Variants in SLC9A9 observed in about 807,000 individuals in gnomAD.
SLC9A9 encodes solute carrier family 9 member A9.
Under a neutral mutation model 77.8 loss-of-function variants are expected in SLC9A9, and 62 were observed. That is an observed-to-expected ratio of 0.80 (90% CI 0.65 to 0.98). The LOEUF is 0.98. SLC9A9 is among the 50% of genes least tolerant of loss of function. The pLI is 0.00. For synonymous variants in SLC9A9, 320 were observed against 283.5 expected, an observed-to-expected ratio of 1.13 and a Z score of -1.29; for missense variants, 775 against 774.9, an observed-to-expected ratio of 1.00 and a Z score of 0.00.
chr3:143,310,826 T>C (rs953757193), intron 14 of SLC9A9, among the ~76,000 whole-genome samples: 5 of 152,228 alleles, frequency 3.3e-5, no homozygotes, highest in African/African-American at 4.8e-5. Context: ...CAGGTGGTCA[T>C]AATTTTTGTG....
At chr3:143,839,406 GA>G (rs1678477512) in intron 1 of SLC9A9, among the ~76,000 whole-genome samples, 1 of 152,082 alleles carries the variant, frequency 6.6e-6, no homozygotes, top group South Asian at 2.1e-4. Context: ...AGAGTCATAT[GA>G]AAACTGCCAG....
intron 4 of SLC9A9, among the ~76,000 whole-genome samples, chr3:143,734,690 C>T (rs528106228): frequency 5.1e-4 from 76 of 149,476 alleles, no homozygotes; most frequent in African/African-American, 1.9e-3. Flanking sequence ...GCCAAGATCC[C>T]GCCACTGCAC....
intron 13 of SLC9A9, among the ~76,000 whole-genome samples, chr3:143,376,646 C>T (rs562304466): frequency 7.9e-5 from 12 of 152,140 alleles, no homozygotes; most frequent in East Asian, 3.9e-4. Flanking sequence ...CAGGAACTAC[C>T]GGTAAGATAA....
At chr3:143,769,959 T>C (rs138428583) in intron 4 of SLC9A9, among the ~76,000 whole-genome samples, 6 of 152,320 alleles carry the variant, frequency 3.9e-5, no homozygotes, top group African/African-American at 1.4e-4. Context: ...GCAATAAGTA[T>C]GAGTGCTTAT....
intron 14 of SLC9A9, among the ~76,000 whole-genome samples, chr3:143,347,847 C>T (rs904130425): frequency 1.3e-5 from 2 of 152,064 alleles, no homozygotes; most frequent in Non-Finnish European, 2.9e-5. Flanking sequence ...CAAGATGATA[C>T]GGGGGATGCC....
chr3:143,637,221 A>G (rs1276119737), intron 6 of SLC9A9, among the ~76,000 whole-genome samples: 1 of 152,210 alleles, frequency 6.6e-6, no homozygotes, highest in East Asian at 1.9e-4. Context: ...TTGAAAACCA[A>G]TACAAAGAAA....
intron 14 of SLC9A9, among the ~76,000 whole-genome samples, chr3:143,357,923 A>G (rs1458283266): frequency 6.6e-6 from 1 of 152,160 alleles, no homozygotes; most frequent in Non-Finnish European, 1.5e-5. Context: ...TTAAAATGGA[A>G]ATTGCTGTTC....
chr3:143,574,911 G>T (rs1316881516), intron 7 of SLC9A9, among the ~76,000 whole-genome samples: 1 of 152,166 alleles, frequency 6.6e-6, no homozygotes, highest in Admixed American at 6.5e-5. Flanking sequence ...ATGGGAAAGG[G>T]TTAGGTTGCA....
intron 5 of SLC9A9, among the ~76,000 whole-genome samples, chr3:143,685,132 G>T (rs1283624195): frequency 6.6e-6 from 1 of 151,534 alleles, no homozygotes; most frequent in Non-Finnish European, 1.5e-5. Context: ...TTCTTAAAAA[G>T]GTAAAAAGAA....
chr3:143,539,315 T>C (rs1432998501), intron 9 of SLC9A9, among the ~76,000 whole-genome samples: 2 of 152,194 alleles, frequency 1.3e-5, no homozygotes, highest in Non-Finnish European at 2.9e-5. Context: ...ATAGGATTCT[T>C]TGGATTTTTG....
At chr3:143,440,109 T>C (rs560433987) in intron 12 of SLC9A9, among the ~76,000 whole-genome samples, 156 of 152,032 alleles carry the variant, frequency 1.0e-3, no homozygotes, top group African/African-American at 3.6e-3. Flanking sequence ...TAAGAAAGAG[T>C]GAATGGTGCA....
chr3:143,708,229 T>C (rs1934045398), intron 4 of SLC9A9, among the ~76,000 whole-genome samples: 2 of 152,120 alleles, frequency 1.3e-5, no homozygotes, highest in African/African-American at 4.8e-5. Flanking sequence ...TCTGGGAGCA[T>C]ACCAGCCCAT....
Position 143,794,982 on chromosome 3 carries a change from A to T in SLC9A9, c.533+19T>A, listed in dbSNP as rs2008335439. 3 of 1,611,636 alleles carry T rather than the reference A, an allele frequency of 1.9e-6. No homozygotes were observed. Among genetic ancestry groups the T allele is most frequent in the Non-Finnish European group, 2.5e-6 (3 of 1,177,862 alleles). On this transcript the variant is annotated intron_variant, in intron 4 of 15. Coordinates refer to ENST00000316549, the MANE Select transcript of SLC9A9 (RefSeq NM_173653.4). Reference sequence around the variant, plus strand: ...AGACCCCACAGCCACCTGCAACTTGAGCTCCGAATGTCACTTACCCTATGA... The same window carrying T: ...AGACCCCACAGCCACCTGCAACTTGTGCTCCGAATGTCACTTACCCTATGA...
At position 143,610,148 on chromosome 3, in the gene SLC9A9, A is replaced by AT. The variant is rs201018773; in HGVS notation, c.756-31426dup. On this transcript the variant is annotated intron_variant, in intron 6 of 15. Coordinates refer to ENST00000316549, the MANE Select transcript of SLC9A9 (RefSeq NM_173653.4). ...GAACTTTCGGAGTTTTCCTTTATTT[A>AT]TTTTTTTTTTATTTATTTGAGAAAA... is the stretch of plus-strand genomic sequence containing the variant. Among the ~76,000 whole-genome samples, 174 of 149,178 alleles carry AT rather than the reference A, an allele frequency of 1.2e-3. 3 individuals carry two copies. The highest frequency in any genetic ancestry group is 0.012 in the East Asian group (59 of 5,126).
intron 7 of SLC9A9, among the ~76,000 whole-genome samples, chr3:143,578,233 C>G (rs1050032125): frequency 6.6e-6 from 1 of 152,190 alleles, no homozygotes; most frequent in Non-Finnish European, 1.5e-5. Context: ...ATTCTTGACC[C>G]TGGATCTTCA....
chr3:143,285,622 G>T (rs1291162007), intron 14 of SLC9A9, among the ~76,000 whole-genome samples: 1 of 152,168 alleles, frequency 6.6e-6, no homozygotes, highest in Non-Finnish European at 1.5e-5. Flanking sequence ...CCACTTCTCT[G>T]CATTCTCTGA....
At chr3:143,271,172 G>T (rs1160207610) in intron 14 of SLC9A9, among the ~76,000 whole-genome samples, 1 of 152,186 alleles carries the variant, frequency 6.6e-6, no homozygotes, top group Non-Finnish European at 1.5e-5. Context: ...GCATCCATGG[G>T]GGTCAGGGAA....
chr3:143,311,197 G>T (rs563110865), intron 14 of SLC9A9, among the ~76,000 whole-genome samples: 1 of 152,312 alleles, frequency 6.6e-6, no homozygotes, highest in African/African-American at 2.4e-5. Context: ...CCACGACCAG[G>T]ACTCCTCTTA....
chr3:143,594,486 C>A (rs566879317), intron 6 of SLC9A9, among the ~76,000 whole-genome samples: 1 of 152,088 alleles, frequency 6.6e-6, no homozygotes, highest in South Asian at 2.1e-4. Context: ...GAGTGTTAAC[C>A]AGGTGGCCAA....
Sources: gnomAD v4.1 joint callset for allele counts (sites outside exome capture counted in the v4.1 genomes callset) on GRCh38, gnomAD v4.1.1 for gene constraint, MANE v1.5 for transcripts, NCBI Gene and HGNC (gene_info 2026-07-23, HGNC 2026-07-21) for gene names.